CRTAP: variants seen among roughly 807,000 people sequenced by gnomAD.
CRTAP encodes cartilage-associated protein.
A neutral mutation model predicts 42.7 loss-of-function variants in CRTAP; 33 were observed. The ratio of observed to expected loss-of-function variants is 0.77; its 90% CI spans 0.59 to 1.03. The LOEUF is 1.03. CRTAP is among the 50% of genes least tolerant of loss of function. The pLI is 0.00. For missense variants in CRTAP, 613 were observed against 533.9 expected (o/e 1.15, Z -1.46); for synonymous variants, 243 against 217.7 (o/e 1.12, Z -1.02).
chr3:33,143,557 A>G lies in CRTAP; in HGVS notation c.*1109A>G, dbSNP rs962297936. On this transcript the variant is annotated 3_prime_UTR_variant, in exon 7 of 7. Coordinates refer to ENST00000320954, the MANE Select transcript of CRTAP (RefSeq NM_006371.5). ...CTGGGAACTAGAGATACTTCACAGA[A>G]TAACAGGGAAAGTTCCCTGTGCTCA... 2 of 152,222 alleles carry G rather than the reference A, an allele frequency of 1.3e-5. No homozygotes were observed. The highest frequency in any genetic ancestry group is 2.9e-5 in the Non-Finnish European group (2 of 68,028). 9.4% of individuals were successfully genotyped at this position (152,222 alleles called of 1,614,324 possible). A position where few individuals can be genotyped will look rare whatever the true frequency, so the allele number is the denominator to read the frequency against.
intron 5 of CRTAP, among the ~76,000 whole-genome samples, chr3:33,133,442 A>G (rs937124581): frequency 2.6e-5 from 4 of 152,060 alleles, no homozygotes; most frequent in African/African-American, 9.7e-5. Flanking sequence ...TAGTTTTAGT[A>G]GAGATGGGGT....
At position 33,114,098 on chromosome 3, in the gene CRTAP, G is replaced by A. The variant is rs747170148; in HGVS notation, c.21G>A (p.Gly7=). Residue 7 remains glycine (G), a synonymous_variant, in exon 1 of 7, where the codon GGG becomes GGA. Coordinates refer to ENST00000320954, the MANE Select transcript of CRTAP (RefSeq NM_006371.5). ...GCGCGATGGAGCCGGGGCGCCGGGG[G>A]GCCGCGGCGCTGCTAGCGCTGCTGT... The part of the protein sequence containing the change: MEPGRR[G]AAALLALLCV... 8 of 1,468,556 alleles carry A rather than the reference G, an allele frequency of 5.4e-6. No homozygotes were observed. In the East Asian group the frequency reaches 1.7e-4, roughly 32 times the overall value. 91.0% of individuals were successfully genotyped at this position (1,468,556 alleles called of 1,614,324 possible). A position where few individuals can be genotyped will look rare whatever the true frequency, so the allele number is the denominator to read the frequency against.
At chr3:33,121,447 T>C (rs2029877594) in intron 2 of CRTAP, among the ~76,000 whole-genome samples, 1 of 150,862 alleles carries the variant, frequency 6.6e-6, no homozygotes. Flanking sequence ...ATGTGGAAAA[T>C]ATCCACTAGA....
At chr3:33,134,750 T>C (rs1474245349) in intron 6 of CRTAP, among the ~76,000 whole-genome samples, 1 of 152,210 alleles carries the variant, frequency 6.6e-6, no homozygotes, top group Non-Finnish European at 1.5e-5. Context: ...ACTCAACTGG[T>C]TATGGAGTGG....
At chr3:33,124,927 T>G in intron 3 of CRTAP, among the ~76,000 whole-genome samples, 1 of 152,210 alleles carries the variant, frequency 6.6e-6, no homozygotes, top group South Asian at 2.1e-4. Context: ...TGATGGCAAT[T>G]TTCCAACACA....
intron 6 of CRTAP, among the ~76,000 whole-genome samples, chr3:33,135,839 T>C (rs961195665): frequency 1.3e-5 from 2 of 152,152 alleles, no homozygotes; most frequent in Non-Finnish European, 2.9e-5. Flanking sequence ...ATGTGAGCAG[T>C]TTCTCTTGTT....
intron 6 of CRTAP, among the ~76,000 whole-genome samples, chr3:33,140,454 T>G (rs1381340334): frequency 1.3e-5 from 2 of 152,240 alleles, no homozygotes; most frequent in Non-Finnish European, 2.9e-5. Flanking sequence ...AGTAATACTT[T>G]GAAATGAAAA....
chr3:33,114,556 C>T lies in CRTAP; in HGVS notation c.471+8C>T, dbSNP rs1215281758. ...CAGTTCGCTTACTTCAAGGCAAGTCCGCCTCGCCCCGTCCCAGGCCCCGGC... is the reference window on the plus strand; with the variant it reads ...CAGTTCGCTTACTTCAAGGCAAGTCTGCCTCGCCCCGTCCCAGGCCCCGGC... On this transcript the variant is annotated splice_region_variant and intron_variant, in intron 1 of 6. Coordinates refer to ENST00000320954, the MANE Select transcript of CRTAP (RefSeq NM_006371.5). 2.6e-6 allele frequency: 4 copies of T among 1,568,008 alleles called. No individual in the cohort carries two copies. Among genetic ancestry groups the T allele is most frequent in the Non-Finnish European group, 1.7e-6 (2 of 1,157,412 alleles).
intron 6 of CRTAP, among the ~76,000 whole-genome samples, chr3:33,137,129 C>T (rs1167902024): frequency 6.6e-6 from 1 of 151,842 alleles, no homozygotes; most frequent in Non-Finnish European, 1.5e-5. Flanking sequence ...GTTCTGACTT[C>T]CACTTTCTGT....
chr3:33,132,792 T>C, intron 5 of CRTAP, 92 bp downstream of exon 5: 2 of 1,506,244 alleles, frequency 1.3e-6, no homozygotes, highest in Non-Finnish European at 1.8e-6. Context: ...ATTTTGGAAA[T>C]AAAGGGGCTG....
At chr3:33,141,094 T>C (rs958602443) in intron 6 of CRTAP, among the ~76,000 whole-genome samples, 1 of 151,576 alleles carries the variant, frequency 6.6e-6, no homozygotes, top group African/African-American at 2.4e-5. Flanking sequence ...CTCACAGGAG[T>C]TGGGGATGAG....
chr3:33,129,941 C>T lies in CRTAP; in HGVS notation c.796C>T (p.His266Tyr), dbSNP rs759900212. The T allele has an allele frequency of 6.2e-7, 1 of 1,612,788 alleles. No individual in the cohort carries two copies. Among genetic ancestry groups the T allele is most frequent in the South Asian group, 1.1e-5 (1 of 91,038 alleles). Residue 266 changes from histidine to tyrosine, a missense_variant and splice_region_variant, in exon 4 of 7, where the codon CAT becomes TAT. His to Tyr is a moderately conservative substitution (Grantham distance 83). Coordinates refer to ENST00000320954, the MANE Select transcript of CRTAP (RefSeq NM_006371.5). Reference sequence around the variant, plus strand: ...AAAATTTATATGTTTTGTTTCAGATCATTATGTAGAAGTTCTGGAATGCAA... The same window carrying T: ...AAAATTTATATGTTTTGTTTCAGATTATTATGTAGAAGTTCTGGAATGCAA... ...FKDFYLSIADHYVEVLECKIQ... is the reference protein window; with the variant it reads ...FKDFYLSIADYYVEVLECKIQ...
intron 3 of CRTAP, 32 bp from the exon 4 acceptor site, chr3:33,129,907 A>G: frequency 6.2e-7 from 1 of 1,604,062 alleles, no homozygotes; most frequent in Non-Finnish European, 8.5e-7. Flanking sequence ...TAATGGATCC[A>G]CTGCTCTGAA....
chr3:33,130,527 T>TTTTTTTTTTTTTTTTTTTTTTTTTTC, intron 4 of CRTAP, among the ~76,000 whole-genome samples: 1 of 17,936 alleles, frequency 5.6e-5, no homozygotes, highest in African/African-American at 2.6e-4. Context: ...TTTCTTTTCT[T>TTTTTTTTTTTTTTTTTTTTTTTTTTC]TTTTTTTTTT....
At chr3:33,133,662 T>G (rs1321183039) in intron 5 of CRTAP, among the ~76,000 whole-genome samples, 1 of 73,248 alleles carries the variant, frequency 1.4e-5, no homozygotes, top group East Asian at 1.3e-3. Flanking sequence ...TTACAACTTT[T>G]TGCAACTTTG....
Position 33,124,526 on chromosome 3 carries a change from G to A in CRTAP, c.740G>A (p.Cys247Tyr). 1 of 1,614,254 alleles carries A rather than the reference G, an allele frequency of 6.2e-7. No homozygotes were observed. The highest frequency in any genetic ancestry group is 1.3e-5 in the African/African-American group (1 of 75,062). Reference protein sequence around the residue: ...FKAFYECLAACEGSREIKDFK... With the variant: ...FKAFYECLAAYEGSREIKDFK... ...GCCTTTTACGAGTGTCTCGCAGCCT[G>A]CGAGGGTTCCAGGGAGATCAAGGAC... is the stretch of plus-strand genomic sequence containing the variant. The change falls in exon 3 of 7, where the codon TGC (cysteine) becomes TAC (tyrosine). Residue 247 changes from cysteine to tyrosine, a missense_variant. Cys to Tyr is a radical substitution (Grantham distance 194). Transcript: ENST00000320954.
chr3:33,134,105 T>C, intron 5 of CRTAP, 77 bp from the exon 6 acceptor site: 1 of 978,934 alleles, frequency 1.0e-6, no homozygotes, highest in Non-Finnish European at 1.7e-6. Context: ...AAAAACCCCA[T>C]ATCCTGTTCC....
In CRTAP at chr3:33,120,370, C is replaced by T. The variant is rs1309501247; in HGVS notation, c.498C>T (p.Ala166=). The T allele has an allele frequency of 3.1e-6, 5 of 1,614,152 alleles. No homozygotes were observed. The highest frequency in any genetic ancestry group is 1.7e-5 in the Admixed American group (1 of 60,018). ...CAAATAATCTCCCCAAAGCCATCGC[C>T]GCTGCTCACACCTTTCTACTGAAGC... is the stretch of plus-strand genomic sequence containing the variant. ...FKANNLPKAI[A]AAHTFLLKHP... Residue 166 remains alanine (A), a synonymous_variant, in exon 2 of 7, where the codon GCC becomes GCT. Transcript: ENST00000320954.
chr3:33,121,051 T>A (rs980495925), intron 2 of CRTAP, among the ~76,000 whole-genome samples: 3 of 152,118 alleles, frequency 2.0e-5, no homozygotes, highest in African/African-American at 7.2e-5. Flanking sequence ...CTCACTATTG[T>A]CAAGGTCTTC....
Sources: gnomAD v4.1 joint callset for allele counts (sites outside exome capture counted in the v4.1 genomes callset) on GRCh38, gnomAD v4.1.1 for gene constraint, MANE v1.5 for transcripts, NCBI Gene and HGNC (gene_info 2026-07-23, HGNC 2026-07-21) for gene names.